Variants in ADARB2 observed in about 807,000 individuals in gnomAD.
ADARB2 encodes the protein inactive double-stranded RNA-specific editase B2.
Under a neutral mutation model 62.2 loss-of-function variants are expected in ADARB2, and 25 were observed. The observed-to-expected ratio is 0.40, with a 90% CI of 0.29 to 0.56. ADARB2 has a LOEUF of 0.56. ADARB2 is among the 20% of genes least tolerant of loss of function. The pLI, the probability that ADARB2 is intolerant of heterozygous loss-of-function variation, is 0.43. For missense variants in ADARB2, 1,071 were observed against 1,077.4 expected (o/e 0.99, Z 0.08); for synonymous variants, 572 against 500.8 (o/e 1.14, Z -1.90).
intron 1 of ADARB2, among the ~76,000 whole-genome samples, chr10:1,575,522 C>T (rs1007116679): frequency 2.0e-5 from 3 of 152,122 alleles, no homozygotes; most frequent in African/African-American, 7.2e-5. Context: ...CCAGCACTGC[C>T]GGGTCAGAGG....
intron 3 of ADARB2, among the ~76,000 whole-genome samples, chr10:1,352,868 C>T (rs529793997): frequency 9.2e-5 from 14 of 152,294 alleles, no homozygotes; most frequent in African/African-American, 2.9e-4. Context: ...GACATTCACC[C>T]CATTTCCCCA....
intron 1 of ADARB2, among the ~76,000 whole-genome samples, chr10:1,405,892 T>A (rs2820586): frequency 4.0e-5 from 6 of 150,300 alleles, no homozygotes; most frequent in Non-Finnish European, 5.9e-5. Context: ...ATGATGCACC[T>A]GTTTATTAAA....
At chr10:1,408,323 C>T (rs1346776114) in intron 1 of ADARB2, among the ~76,000 whole-genome samples, 1 of 152,158 alleles carries the variant, frequency 6.6e-6, no homozygotes, top group East Asian at 1.9e-4. Context: ...GCTGGATATA[C>T]AGGGAGCATC....
chr10:1,504,265 G>A (rs1304339112), intron 1 of ADARB2, among the ~76,000 whole-genome samples: 1 of 152,176 alleles, frequency 6.6e-6, no homozygotes, highest in Admixed American at 6.5e-5. Context: ...GGCATGCTCT[G>A]TCCCAGGCAA....
intron 1 of ADARB2, among the ~76,000 whole-genome samples, chr10:1,631,020 A>C (rs974933680): frequency 2.0e-5 from 3 of 152,132 alleles, no homozygotes; most frequent in Admixed American, 6.5e-5. Flanking sequence ...AAAAAAAGAA[A>C]AGAATTATGA....
intron 1 of ADARB2, among the ~76,000 whole-genome samples, chr10:1,504,826 T>C (rs577237449): frequency 6.6e-6 from 1 of 152,342 alleles, no homozygotes; most frequent in Admixed American, 6.5e-5. Flanking sequence ...GCCGGCTTCA[T>C]GCTGTGCCTG....
At chr10:1,379,319 A>G (rs1294876610) in intron 1 of ADARB2, among the ~76,000 whole-genome samples, 159 bp from the exon 2 acceptor site, 1 of 152,126 alleles carries the variant, frequency 6.6e-6, no homozygotes, top group Non-Finnish European at 1.5e-5. Context: ...TGAATATCTG[A>G]CAGCATTTTA....
chr10:1,718,947 C>A (rs1835055249), intron 1 of ADARB2, among the ~76,000 whole-genome samples: 2 of 151,528 alleles, frequency 1.3e-5, no homozygotes, highest in African/African-American at 4.9e-5. Flanking sequence ...GCTGTATAAT[C>A]TGCCTAAAAG....
chr10:1,268,725 A>G (rs1188661549), intron 4 of ADARB2, among the ~76,000 whole-genome samples: 2 of 152,220 alleles, frequency 1.3e-5, no homozygotes, highest in African/African-American at 2.4e-5. Flanking sequence ...TCTCTTTACA[A>G]TAGGAAAGTA....
In ADARB2 at chr10:1,464,742, C is replaced by A. The variant is rs554267267; in HGVS notation, c.101-85582G>T. The stretch of plus-strand genomic sequence containing the variant: ...GAGGGTGGACACACACTCCCCCACA[C>A]ACGCGCTGGGGGCAGTCACAGCGGG... On this transcript the variant is annotated intron_variant, in intron 1 of 9. Coordinates refer to ENST00000381312, the MANE Select transcript of ADARB2 (RefSeq NM_018702.4). Among the ~76,000 whole-genome samples, 6 of 136,540 alleles carry A rather than the reference C, an allele frequency of 4.4e-5. No individual in the cohort carries two copies. The East Asian group carries it at 1.3e-3, about 30-fold the overall frequency. 89.6% of individuals were successfully genotyped at this position (136,540 alleles called of 152,430 possible).
At chr10:1,221,002 T>C (rs1454210684) in intron 6 of ADARB2, among the ~76,000 whole-genome samples, 3 of 152,178 alleles carry the variant, frequency 2.0e-5, no homozygotes, top group South Asian at 2.1e-4. Context: ...CCTGATGAGT[T>C]TGAGCAGCCC....
chr10:1,633,609 T>TATCTATCTATCTATCTATCC (rs1469419262), intron 1 of ADARB2, among the ~76,000 whole-genome samples: 1 of 147,848 alleles, frequency 6.8e-6, no homozygotes, highest in African/African-American at 2.5e-5. Context: ...TCTATCTATC[T>TATCTATCTATCTATCTATCC]ATCCCTCTAT....
At chr10:1,257,988 G>C (rs1336078056) in intron 4 of ADARB2, among the ~76,000 whole-genome samples, 4 of 152,162 alleles carry the variant, frequency 2.6e-5, no homozygotes, top group African/African-American at 9.7e-5. Flanking sequence ...GAATCCTTTA[G>C]AATATCTTTA....
At chr10:1,276,615 A>G (rs1404623702) in intron 3 of ADARB2, among the ~76,000 whole-genome samples, 2 of 152,194 alleles carry the variant, frequency 1.3e-5, no homozygotes, top group East Asian at 3.8e-4. Context: ...GCAAGTCCTT[A>G]GAGACCTACG....
At chr10:1,664,542 G>A (rs368673129) in intron 1 of ADARB2, among the ~76,000 whole-genome samples, 1 of 152,184 alleles carries the variant, frequency 6.6e-6, no homozygotes, top group Non-Finnish European at 1.5e-5. Flanking sequence ...TGCATTTCAC[G>A]AATGGCCTTT....
chr10:1,468,148 A>G (rs1831276137), intron 1 of ADARB2, among the ~76,000 whole-genome samples: 1 of 152,236 alleles, frequency 6.6e-6, no homozygotes, highest in Non-Finnish European at 1.5e-5. Flanking sequence ...TAATATTATT[A>G]CTTAAACATA....
chr10:1,626,169 G>A (rs1833765823), intron 1 of ADARB2, among the ~76,000 whole-genome samples: 1 of 143,680 alleles, frequency 7.0e-6, no homozygotes, highest in East Asian at 2.1e-4. Context: ...GCCTCCACTG[G>A]ACCTCGGACG....
intron 1 of ADARB2, among the ~76,000 whole-genome samples, chr10:1,626,521 C>A (rs1833771424): frequency 6.6e-6 from 1 of 152,204 alleles, no homozygotes; most frequent in African/African-American, 2.4e-5. Flanking sequence ...CAGGTGCTGC[C>A]TGGCCCTCCT....
chr10:1,240,947 G>A (rs750053395), intron 5 of ADARB2, among the ~76,000 whole-genome samples: 1 of 152,220 alleles, frequency 6.6e-6, no homozygotes, highest in Non-Finnish European at 1.5e-5. Flanking sequence ...TTCAACCTGT[G>A]GCTCCCTGCT....
Sources: gnomAD v4.1 joint callset for allele counts (sites outside exome capture counted in the v4.1 genomes callset) on GRCh38, gnomAD v4.1.1 for gene constraint, MANE v1.5 for transcripts, NCBI Gene and HGNC (gene_info 2026-07-23, HGNC 2026-07-21) for gene names.